Variants in TTC12 observed in about 807,000 individuals in gnomAD.
TTC12 encodes tetratricopeptide repeat domain 12, also known as tetratricopeptide repeat protein 12.
A neutral mutation model predicts 90.1 loss-of-function variants in TTC12; 70 were observed. That is an observed-to-expected ratio of 0.78 (90% CI 0.64 to 0.95). TTC12 has a LOEUF of 0.95. TTC12 is among the 40% of genes least tolerant of loss of function. TTC12 has a pLI of 0.00. For synonymous variants in TTC12, 296 were observed against 311.5 expected (o/e 0.95, Z 0.53); for missense variants, 819 against 846.1 (o/e 0.97, Z 0.40).
At chr11:113,348,930 G>C (rs1949116532) in intron 13 of TTC12, among the ~76,000 whole-genome samples, 1 of 152,192 alleles carries the variant, frequency 6.6e-6, no homozygotes, top group Admixed American at 6.5e-5. Flanking sequence ...CCCCAAATGT[G>C]CTCCTGCAAT....
intron 17 of TTC12, 144 bp downstream of exon 17, chr11:113,359,605 C>CGCTCT: frequency 1.5e-6 from 1 of 647,550 alleles, no homozygotes; most frequent in East Asian, 2.6e-5. Context: ...TGGAGGGATG[C>CGCTCT]GCTCTCCCTT....
At chr11:113,327,674 T>C (rs589453) in intron 6 of TTC12, among the ~76,000 whole-genome samples, 1 of 151,992 alleles carries the variant, frequency 6.6e-6, no homozygotes, top group Non-Finnish European at 1.5e-5. Context: ...GTAGAGAAAT[T>C]GTTGGAACCC....
At chr11:113,363,404 G>A (rs1475905607) in intron 19 of TTC12, among the ~76,000 whole-genome samples, 1 of 152,236 alleles carries the variant, frequency 6.6e-6, no homozygotes, top group African/African-American at 2.4e-5. Context: ...TTAAAATGAT[G>A]TAGGTTCCTG....
At chr11:113,368,032 A>G (rs947376778), downstream of TTC12, among the ~76,000 whole-genome samples, 2 of 152,228 alleles carry the variant, frequency 1.3e-5, no homozygotes, top group Non-Finnish European at 1.5e-5. Flanking sequence ...GTTTGTGTTC[A>G]TAACCACCAG....
intron 16 of TTC12, among the ~76,000 whole-genome samples, chr11:113,355,819 G>T (rs1185374231): frequency 1.3e-5 from 2 of 152,076 alleles, no homozygotes; most frequent in Non-Finnish European, 2.9e-5. Flanking sequence ...TGAGTGTTAA[G>T]ATTTCAGTTA....
chr11:113,345,525 C>T (rs1948903903), intron 13 of TTC12, among the ~76,000 whole-genome samples: 1 of 152,160 alleles, frequency 6.6e-6, no homozygotes, highest in African/African-American at 2.4e-5. Context: ...CCCTGCTGAG[C>T]CCTCCCACAC....
intron 13 of TTC12, among the ~76,000 whole-genome samples, chr11:113,344,961 A>G (rs1338538260): frequency 1.3e-5 from 2 of 152,236 alleles, no homozygotes; most frequent in Admixed American, 1.3e-4. Flanking sequence ...TAGACTTTCT[A>G]GAAAGATTAC....
chr11:113,362,932 T>C (rs142785712), intron 19 of TTC12, among the ~76,000 whole-genome samples: 1 of 152,340 alleles, frequency 6.6e-6, no homozygotes, highest in African/African-American at 2.4e-5. Flanking sequence ...AGAATTACCA[T>C]GTGACCAAAG....
At chr11:113,351,374 T>C in intron 15 of TTC12, 75 bp downstream of exon 15, 1 of 1,190,702 alleles carries the variant, frequency 8.4e-7, no homozygotes, top group East Asian at 2.4e-5. Flanking sequence ...AAACACAATT[T>C]ACAATCCAGA....
intron 13 of TTC12, among the ~76,000 whole-genome samples, chr11:113,345,359 G>T (rs940066498): frequency 3.3e-5 from 5 of 152,170 alleles, no homozygotes; most frequent in Non-Finnish European, 7.3e-5. Flanking sequence ...CACTCATGGG[G>T]CAGGAAGAAC....
chr11:113,366,910 G>A (rs1167823220), downstream of TTC12, among the ~76,000 whole-genome samples: 2 of 152,188 alleles, frequency 1.3e-5, no homozygotes. Context: ...CCCTCCTCCA[G>A]CCCATCTGGT....
intron 7 of TTC12, 168 bp from the exon 8 acceptor site, chr11:113,334,798 G>T (rs1555143491): frequency 5.4e-6 from 3 of 557,984 alleles, no homozygotes; most frequent in Admixed American, 3.1e-5. Flanking sequence ...CAGGCTCCTT[G>T]CAGGCATCAA....
At chr11:113,345,853 G>A (rs1948920696) in intron 13 of TTC12, among the ~76,000 whole-genome samples, 1 of 151,910 alleles carries the variant, frequency 6.6e-6, no homozygotes, top group African/African-American at 2.4e-5. Flanking sequence ...TCTTTGAATT[G>A]CTTGAGCTTC....
At chr11:113,331,126 A>G (rs1209819494) in intron 7 of TTC12, among the ~76,000 whole-genome samples, 1 of 152,194 alleles carries the variant, frequency 6.6e-6, no homozygotes, top group Non-Finnish European at 1.5e-5. Flanking sequence ...TGACATCTGG[A>G]GTATCCAATT....
At chr11:113,317,536 C>T (rs78667560) in intron 2 of TTC12, among the ~76,000 whole-genome samples, 2,338 of 152,234 alleles carry the variant, frequency 0.015, 38 homozygotes, top group Non-Finnish European at 0.022. Flanking sequence ...GATTGTTTTT[C>T]CTGTCTCCAG....
intron 16 of TTC12, among the ~76,000 whole-genome samples, chr11:113,354,610 C>T (rs1949517049): frequency 6.6e-6 from 1 of 152,070 alleles, no homozygotes; most frequent in African/African-American, 2.4e-5. Context: ...TCATAGATGG[C>T]TCTTATTACT....
chr11:113,353,311 G>A, intron 16 of TTC12, among the ~76,000 whole-genome samples: 1 of 152,034 alleles, frequency 6.6e-6, no homozygotes, highest in South Asian at 2.1e-4. Context: ...TTTTAATGGG[G>A]TAGTTTATTT....
chr11:113,359,485 C>G, intron 17 of TTC12, 24 bp downstream of exon 17: 1 of 1,512,298 alleles, frequency 6.6e-7, no homozygotes, highest in Non-Finnish European at 9.2e-7. Flanking sequence ...GTCTCCCTGC[C>G]TGGAGCCCTG....
intron 1 of TTC12, among the ~76,000 whole-genome samples, chr11:113,315,505 C>G (rs1369305374): frequency 2.6e-5 from 4 of 152,188 alleles, no homozygotes; most frequent in Admixed American, 2.6e-4. Flanking sequence ...ATATTCGTGT[C>G]TGGGCAATGT....
Sources: gnomAD v4.1 joint callset for allele counts (sites outside exome capture counted in the v4.1 genomes callset) on GRCh38, gnomAD v4.1.1 for gene constraint, MANE v1.5 for transcripts, NCBI Gene and HGNC (gene_info 2026-07-23, HGNC 2026-07-21) for gene names.